Variants in GOLGA8S observed in about 807,000 individuals in gnomAD.
The protein encoded by GOLGA8S is golgin A8 family member S, also known as golgin subfamily A member 8S.
GOLGA8S carries 23 observed loss-of-function variants against 58.9 expected under a neutral mutation model. That is an observed-to-expected ratio of 0.39 (90% CI 0.28 to 0.55). The LOEUF is 0.55. GOLGA8S is among the 20% of genes least tolerant of loss of function. The pLI, the probability that GOLGA8S is intolerant of heterozygous loss-of-function variation, is 0.63. For missense variants in GOLGA8S, 266 were observed against 514.2 expected, an observed-to-expected ratio of 0.52 and a Z score of 4.67; for synonymous variants, 84 against 195.7, an observed-to-expected ratio of 0.43 and a Z score of 4.76.
At position 23,364,342 on chromosome 15, in the gene GOLGA8S, G is replaced by C. The variant is rs755366752; in HGVS notation, c.1348-1G>C. On this transcript the variant is annotated splice_acceptor_variant, in intron 15 of 18. Coordinates refer to ENST00000562295, the Ensembl canonical transcript of GOLGA8S. LOFTEE classifies it high-confidence loss of function. ...ATGTGACTACAATATTTTGGCTCCAGAGCAGCTTTATGGACCACCTGGAGG... is the reference window on the plus strand; with the variant it reads ...ATGTGACTACAATATTTTGGCTCCACAGCAGCTTTATGGACCACCTGGAGG... 2 of 1,602,112 alleles carry C rather than the reference G, an allele frequency of 1.2e-6. No homozygotes were observed. The highest frequency in any genetic ancestry group is 4.5e-5 in the East Asian group (2 of 44,832).
chr15:23,365,731 G>C (rs1388742775), downstream of GOLGA8S: 12 of 173,008 alleles, frequency 6.9e-5, no homozygotes, highest in African/African-American at 9.7e-5. Flanking sequence ...TATTGGTGAT[G>C]GGAGTGAAAC....
In GOLGA8S at chr15:23,359,486, T is replaced by TG. The variant is rs1478825177; in HGVS notation, c.591+280dup. Among the ~76,000 whole-genome samples, 219 of 144,276 alleles carry TG rather than the reference T, an allele frequency of 1.5e-3. 2 individuals carry two copies. The highest frequency in any genetic ancestry group is 5.4e-3 in the African/African-American group (204 of 37,672). 94.7% of individuals were successfully genotyped at this position (144,276 alleles called of 152,430 possible). A position where few individuals can be genotyped will look rare whatever the true frequency, so the allele number is the denominator to read the frequency against. ...GCTGTGGTCTTGGCCAAGTCCTCAG[T>TG]GGGTATTGGGTACTTGTACTGTGAA... On this transcript the variant is annotated intron_variant, in intron 8 of 18. Transcript: ENST00000562295.
Position 23,361,491 on chromosome 15 carries a change from C to T in GOLGA8S, c.1110+35C>T, listed in dbSNP as rs756848528. On this transcript the variant is annotated intron_variant, in intron 12 of 18. Transcript: ENST00000562295. ...CCCAGCTGGGGAGCCTGCCCTCCTC[C>T]CTAGCCCTCCAGGCCTTTGTTTCCC... The T allele has an allele frequency of 3.8e-5, 29 of 766,808 alleles. 3 individuals carry two copies. The highest frequency in any genetic ancestry group is 3.6e-4 in the Middle Eastern group (1 of 2,816). The allele number at this position is 766,808 out of a possible 1,614,324, so 47.5% of individuals were successfully genotyped here.
intron 10 of GOLGA8S, 48 bp from the exon 11 acceptor site, chr15:23,360,680 G>A (rs765563040): frequency 1.7e-6 from 2 of 1,185,682 alleles, no homozygotes; most frequent in East Asian, 4.6e-5. Context: ...AGCCTGTCCA[G>A]CCTCCAGCCC....
At position 23,364,147 on chromosome 15, in the gene GOLGA8S, GAGCCAGAGGC is replaced by G. The variant is rs1409461075; in HGVS notation, c.1348-185_1348-176del. ...TCACCTGGTGGCCTCGGCCCAGAAGGAGCCAGAGGCAGCCAGAGGCCCTGGAGCCCCAGGG... is the reference window on the plus strand; with the variant it reads ...TCACCTGGTGGCCTCGGCCCAGAAGGAGCCAGAGGCCCTGGAGCCCCAGGG... On this transcript the variant is annotated intron_variant, in intron 15 of 18. Coordinates refer to ENST00000562295, the Ensembl canonical transcript of GOLGA8S. Among the ~76,000 whole-genome samples the G allele has an allele frequency of 3.6e-5, 5 of 138,038 alleles. 1 individual carries two copies. The highest frequency in any genetic ancestry group is 7.8e-5 in the Non-Finnish European group (5 of 63,848). The allele number at this position is 138,038 out of a possible 152,430, so 90.6% of individuals were successfully genotyped here.
downstream of GOLGA8S, among the ~76,000 whole-genome samples, chr15:23,368,125 G>C (rs545891079): frequency 6.6e-6 from 1 of 151,872 alleles, no homozygotes; most frequent in Non-Finnish European, 1.5e-5. Context: ...ACAGTGGGAA[G>C]GAAAAGCAGA....
chr15:23,354,949 C>T (rs1185903854), intron 1 of GOLGA8S, 56 bp downstream of exon 1: 2 of 378,358 alleles, frequency 5.3e-6, no homozygotes, highest in Non-Finnish European at 4.9e-6. Flanking sequence ...TCTCCAACGA[C>T]AAGACTGCTG....
At chr15:23,365,039 C>T (rs1488357153) in exon 19 of GOLGA8S, 2 of 1,580,576 alleles carry the variant, frequency 1.3e-6, no homozygotes, top group Admixed American at 1.7e-5. Context: ...TACTGCACAG[C>T]CGATCGTGCA....
At chr15:23,361,931 C>G in intron 13 of GOLGA8S, 139 bp downstream of exon 13, 1 of 682,240 alleles carries the variant, frequency 1.5e-6, no homozygotes, top group Non-Finnish European at 2.6e-6. Context: ...CAGGGCAGTC[C>G]TGTGGCTGTT....
At chr15:23,364,102 G>C (rs1204659238) in intron 15 of GOLGA8S, among the ~76,000 whole-genome samples, 1 of 136,230 alleles carries the variant, frequency 7.3e-6, no homozygotes, top group Non-Finnish European at 1.6e-5. Context: ...AAGAGCAGAG[G>C]GTGGCTGCCA....
Position 23,364,418 on chromosome 15 carries a change from C to T in GOLGA8S, c.1423C>T (p.Gln475Ter). 1.2e-6 allele frequency: 2 copies of T among 1,604,708 alleles called. No homozygotes were observed. The highest frequency in any genetic ancestry group is 1.7e-6 in the Non-Finnish European group (2 of 1,179,600). Residue 475 changes from glutamine to a stop codon, truncating the protein, a stop_gained, in exon 16 of 19, where the codon CAA (glutamine) becomes TAA (stop). Transcript: ENST00000562295. LOFTEE classifies it high-confidence loss of function. ...GAAGAAACAAGAACTTCGCTTCATTCAATACTGGCAAGAGAGATGCCATCA... is the reference window on the plus strand; with the variant it reads ...GAAGAAACAAGAACTTCGCTTCATTTAATACTGGCAAGAGAGATGCCATCA...
downstream of GOLGA8S, chr15:23,365,163 G>T (rs568285038): frequency 1.3e-6 from 2 of 1,584,766 alleles, no homozygotes; most frequent in Admixed American, 1.7e-5. Context: ...AGCTGCTCAA[G>T]AAATTTTTAA....
downstream of GOLGA8S, chr15:23,365,565 C>G (rs1167553751): frequency 2.4e-5 from 7 of 287,982 alleles, no homozygotes; most frequent in Non-Finnish European, 4.0e-5. Flanking sequence ...GTTGTTTGAT[C>G]TAATCTTAAT....
exon 17 of GOLGA8S, chr15:23,364,553 A>G: frequency 6.3e-7 from 1 of 1,591,324 alleles, no homozygotes; most frequent in South Asian, 1.1e-5. Flanking sequence ...TATCAGAACC[A>G]GGGGGCCGTG....
At chr15:23,366,651 C>T (rs1479085727), downstream of GOLGA8S, 2 of 151,774 alleles carry the variant, frequency 1.3e-5, no homozygotes, top group African/African-American at 2.4e-5. Context: ...GGTTTCTGTT[C>T]GGGACATATT....
exon 17 of GOLGA8S, chr15:23,364,531 T>G (rs3826016): frequency 1.3e-6 from 2 of 1,588,510 alleles, no homozygotes; most frequent in African/African-American, 2.7e-5. Context: ...CGCAGGAAAA[T>G]CCATCACCTT....
chr15:23,365,463 G>C (rs879243374), downstream of GOLGA8S: 3 of 438,244 alleles, frequency 6.8e-6, no homozygotes, highest in African/African-American at 2.0e-5. Context: ...AACTGTTCTC[G>C]CTGGTTTGGA....
chr15:23,361,552 A>G, intron 12 of GOLGA8S, 96 bp downstream of exon 12: 1 of 660,240 alleles, frequency 1.5e-6, no homozygotes, highest in East Asian at 2.7e-5. Flanking sequence ...CCTCAAGTGA[A>G]ATGTTACTCC....
At chr15:23,360,014 A>T (rs551897246) in intron 8 of GOLGA8S, among the ~76,000 whole-genome samples, 1 of 149,560 alleles carries the variant, frequency 6.7e-6, no homozygotes, top group African/African-American at 2.5e-5. Flanking sequence ...CAGCAATATT[A>T]TCTGATCTCT....
Sources: allele counts gnomAD v4.1 joint callset (sites outside exome capture counted in the v4.1 genomes callset), GRCh38; gene constraint gnomAD v4.1.1; transcripts MANE v1.5; gene names NCBI Gene and HGNC (gene_info 2026-07-23, HGNC 2026-07-21).